The following RRP15 variants were observed in gnomAD, a reference collection of about 807,000 sequenced individuals.
RRP15 encodes the protein RRP15-like protein.
A neutral mutation model predicts 27.1 loss-of-function variants in RRP15; 18 were observed. The observed-to-expected ratio is 0.66, with a 90% CI of 0.46 to 0.98. The LOEUF (loss-of-function observed/expected upper bound fraction) is 0.98, where lower values mean the gene tolerates loss of function less well. RRP15 is among the 50% of genes least tolerant of loss of function. The pLI is 0.00. For missense variants in RRP15, 359 were observed against 337.8 expected, an observed-to-expected ratio of 1.06 and a Z score of -0.49; for synonymous variants, 107 against 109.4, an observed-to-expected ratio of 0.98 and a Z score of 0.14.
Position 218,331,162 on chromosome 1 carries a change from G to T in RRP15, c.*71G>T. 7.2e-7 allele frequency: 1 copy of T among 1,384,716 alleles called. No homozygotes were observed. Among genetic ancestry groups the T allele is most frequent in the African/African-American group, 1.5e-5 (1 of 68,534 alleles). The allele number at this position is 1,384,716 out of a possible 1,614,324, so 85.8% of individuals were successfully genotyped here. On this transcript the variant is annotated 3_prime_UTR_variant, in exon 5 of 5. Transcript: ENST00000366932. ...AAATATGTCATCCTCTGATAGTTGG[G>T]GAATTATAAGGATACCATTTGTAAG... is the stretch of plus-strand genomic sequence containing the variant.
At chr1:218,322,595 A>G (rs1198594972) in intron 4 of RRP15, among the ~76,000 whole-genome samples, 1 of 151,786 alleles carries the variant, frequency 6.6e-6, no homozygotes, top group Non-Finnish European at 1.5e-5. Flanking sequence ...ACATTTTGCC[A>G]TAAACGTTTA....
chr1:218,310,893 C>G, intron 4 of RRP15, among the ~76,000 whole-genome samples: 1 of 151,948 alleles, frequency 6.6e-6, no homozygotes, highest in East Asian at 1.9e-4. Context: ...GGATTACAGG[C>G]GTGCACCACC....
At chr1:218,297,240 A>G (rs1006071427) in intron 1 of RRP15, among the ~76,000 whole-genome samples, 6 of 152,290 alleles carry the variant, frequency 3.9e-5, no homozygotes, top group East Asian at 1.9e-4. Flanking sequence ...CCCCTATGCT[A>G]TAACTCTCTA....
chr1:218,330,120 A>G (rs564147245), intron 4 of RRP15, among the ~76,000 whole-genome samples: 1 of 152,258 alleles, frequency 6.6e-6, no homozygotes, highest in African/African-American at 2.4e-5. Flanking sequence ...TTTGTTCATC[A>G]CTATGTTTCT....
At chr1:218,324,699 T>C (rs1328318983) in intron 4 of RRP15, among the ~76,000 whole-genome samples, 1 of 152,140 alleles carries the variant, frequency 6.6e-6, no homozygotes, top group Non-Finnish European at 1.5e-5. Context: ...CAGTCTCTTC[T>C]CCTTTGGCCA....
intron 1 of RRP15, among the ~76,000 whole-genome samples, chr1:218,296,139 A>G (rs1202294171): frequency 6.6e-6 from 1 of 152,162 alleles, no homozygotes; most frequent in Non-Finnish European, 1.5e-5. Context: ...AAATTTTTTA[A>G]ATTCAAGCTT....
intron 4 of RRP15, among the ~76,000 whole-genome samples, chr1:218,311,645 G>A (rs34773466): frequency 0.15 from 23,325 of 152,104 alleles, 2,292 homozygotes; most frequent in Non-Finnish European, 0.21. Flanking sequence ...CCCTTCCTGG[G>A]AATTCCATTT....
intron 1 of RRP15, among the ~76,000 whole-genome samples, chr1:218,299,154 T>C (rs1351258770): frequency 6.6e-6 from 1 of 152,206 alleles, no homozygotes; most frequent in African/African-American, 2.4e-5. Flanking sequence ...TCCTATTTTT[T>C]TAGTATGCTG....
At chr1:218,316,996 A>G (rs1316449271) in intron 4 of RRP15, among the ~76,000 whole-genome samples, 1 of 152,264 alleles carries the variant, frequency 6.6e-6, no homozygotes, top group Non-Finnish European at 1.5e-5. Flanking sequence ...TGAAGGAACT[A>G]GAAATGTGTC....
At position 218,337,522 on chromosome 1, in the gene RRP15, G is replaced by C. The variant is rs922228628; in HGVS notation, c.*6431G>C. Reference sequence around the variant, plus strand: ...TTCCTTTTAAAATGATGGTTGTGAAGACTGATGAAAACACAGTGTCAATGA... The same window carrying C: ...TTCCTTTTAAAATGATGGTTGTGAACACTGATGAAAACACAGTGTCAATGA... On this transcript the variant is annotated 3_prime_UTR_variant, in exon 5 of 5. Coordinates refer to ENST00000366932, the MANE Select transcript of RRP15 (RefSeq NM_016052.4). 3.9e-5 allele frequency: 6 copies of C among 152,170 alleles called. No homozygotes were observed. The highest frequency in any genetic ancestry group is 1.4e-4 in the African/African-American group (6 of 41,450). 9.4% of individuals were successfully genotyped at this position (152,170 alleles called of 1,614,324 possible). A position where few individuals can be genotyped will look rare whatever the true frequency, so the allele number is the denominator to read the frequency against.
chr1:218,325,873 CTCTTT>C (rs1411097696), intron 4 of RRP15, among the ~76,000 whole-genome samples: 1 of 152,154 alleles, frequency 6.6e-6, no homozygotes, highest in Admixed American at 6.6e-5. Flanking sequence ...CATTTTTCAT[CTCTTT>C]TCTTTTAGTC....
chr1:218,297,138 G>A (rs919801717), intron 1 of RRP15, among the ~76,000 whole-genome samples: 5 of 152,276 alleles, frequency 3.3e-5, no homozygotes, highest in African/African-American at 1.2e-4. Flanking sequence ...AGACACAGAA[G>A]GGTTAGGTAA....
chr1:218,299,071 GATATA>G lies in RRP15; in HGVS notation c.140-3219_140-3215del, dbSNP rs572947861. Among the ~76,000 whole-genome samples, 483 of 152,226 alleles carry G rather than the reference GATATA, an allele frequency of 3.2e-3. 2 individuals are homozygous for G. The highest frequency in any genetic ancestry group is 0.011 in the African/African-American group (451 of 41,524). Reference sequence around the variant, plus strand: ...TTTTTTAAAAACCTCATTTGATTAGGATATAATAATATTTTGAGCCAGTTCTATTT... The same window carrying G: ...TTTTTTAAAAACCTCATTTGATTAGGATAATATTTTGAGCCAGTTCTATTT... On this transcript the variant is annotated intron_variant, in intron 1 of 4. Coordinates refer to ENST00000366932, the MANE Select transcript of RRP15 (RefSeq NM_016052.4).
At chr1:218,293,959 AG>A (rs958157511) in intron 1 of RRP15, among the ~76,000 whole-genome samples, 2 of 152,048 alleles carry the variant, frequency 1.3e-5, no homozygotes, top group Admixed American at 1.3e-4. Flanking sequence ...ATTATCATGG[AG>A]GTGAAATTAG....
chr1:218,314,308 A>G (rs1656046920), intron 4 of RRP15, among the ~76,000 whole-genome samples: 1 of 152,182 alleles, frequency 6.6e-6, no homozygotes, highest in Non-Finnish European at 1.5e-5. Flanking sequence ...ACATGTTCTT[A>G]TCTAGAGTGA....
chr1:218,318,446 T>G (rs775301149), intron 4 of RRP15, among the ~76,000 whole-genome samples: 1 of 152,120 alleles, frequency 6.6e-6, no homozygotes, highest in African/African-American at 2.4e-5. Context: ...TCTTGAAGAA[T>G]GAATAATGAA....
rs192617872 is a variant in RRP15 at position 218,328,490 on chromosome 1, A to G, written c.706-2458A>G. Among the ~76,000 whole-genome samples the G allele has an allele frequency of 1.7e-3, 264 of 152,088 alleles. 2 individuals carry two copies. The highest frequency in any genetic ancestry group is 6.8e-3 in the Middle Eastern group (2 of 294). ...ATCCTGGCTAACATGGTGAAACCCC[A>G]TCTCTACTAAAAATACAAAAAGATA... On this transcript the variant is annotated intron_variant, in intron 4 of 4. Coordinates refer to ENST00000366932, the MANE Select transcript of RRP15 (RefSeq NM_016052.4).
At chr1:218,292,598 T>C (rs1315073712) in intron 1 of RRP15, among the ~76,000 whole-genome samples, 1 of 152,208 alleles carries the variant, frequency 6.6e-6, no homozygotes, top group African/African-American at 2.4e-5. Flanking sequence ...GCCATGAGTA[T>C]TGATTTGGGG....
At chr1:218,318,117 GT>G (rs1288871694) in intron 4 of RRP15, among the ~76,000 whole-genome samples, 1 of 152,014 alleles carries the variant, frequency 6.6e-6, no homozygotes, top group Admixed American at 6.6e-5. Flanking sequence ...AGGTTTAAAA[GT>G]TGTTAACACT....
Sources: allele counts gnomAD v4.1 joint callset (sites outside exome capture counted in the v4.1 genomes callset), GRCh38; gene constraint gnomAD v4.1.1; transcripts MANE v1.5; gene names NCBI Gene and HGNC (gene_info 2026-07-23, HGNC 2026-07-21).